CACNG3: variants seen among roughly 807,000 people sequenced by gnomAD.
The protein encoded by CACNG3 is calcium voltage-gated channel auxiliary subunit gamma 3.
Under a neutral mutation model 28.5 loss-of-function variants are expected in CACNG3, and 3 were observed. The ratio of observed to expected loss-of-function variants is 0.11; its 90% CI spans 0.05 to 0.27. The LOEUF is 0.27. CACNG3 is among the 10% of genes least tolerant of loss of function. The pLI, the probability that CACNG3 is intolerant of heterozygous loss-of-function variation, is 1.00. For synonymous variants in CACNG3, 174 were observed against 162.2 expected, an observed-to-expected ratio of 1.07 and a Z score of -0.55; for missense variants, 236 against 414.4, an observed-to-expected ratio of 0.57 and a Z score of 3.74.
At chr16:24,331,660 T>C (rs1358600686) in intron 1 of CACNG3, among the ~76,000 whole-genome samples, 1 of 152,244 alleles carries the variant, frequency 6.6e-6, no homozygotes, top group East Asian at 1.9e-4. Context: ...TTCTGGACCC[T>C]GGCCTGTAAG....
chr16:24,349,861 T>C (rs1274726160), intron 2 of CACNG3, among the ~76,000 whole-genome samples: 1 of 152,188 alleles, frequency 6.6e-6, no homozygotes, highest in Non-Finnish European at 1.5e-5. Context: ...ATGGAGTCGC[T>C]CTGTTTCCAA....
At chr16:24,345,872 G>A (rs1899857895) in intron 1 of CACNG3, among the ~76,000 whole-genome samples, 1 of 152,204 alleles carries the variant, frequency 6.6e-6, no homozygotes, top group Non-Finnish European at 1.5e-5. Flanking sequence ...TCATTGGGGA[G>A]AGTGGACTAT....
At chr16:24,354,540 C>T (rs1900002800) in intron 2 of CACNG3, among the ~76,000 whole-genome samples, 2 of 152,192 alleles carry the variant, frequency 1.3e-5, no homozygotes, top group South Asian at 4.1e-4. Flanking sequence ...TAAGTCAAGT[C>T]TCCAAGCCCC....
At chr16:24,297,393 G>A (rs1899046217) in intron 1 of CACNG3, among the ~76,000 whole-genome samples, 1 of 152,010 alleles carries the variant, frequency 6.6e-6, no homozygotes. Context: ...GATCCTAATG[G>A]GCAATTGGGG....
intron 1 of CACNG3, among the ~76,000 whole-genome samples, chr16:24,296,920 C>A (rs1899038871): frequency 6.6e-6 from 1 of 152,148 alleles, no homozygotes; most frequent in Non-Finnish European, 1.5e-5. Context: ...CAGCCACAAG[C>A]AATGATCCTC....
At chr16:24,332,075 C>T (rs1899637916) in intron 1 of CACNG3, among the ~76,000 whole-genome samples, 1 of 152,212 alleles carries the variant, frequency 6.6e-6, no homozygotes, top group Admixed American at 6.5e-5. Flanking sequence ...ATATAACAGC[C>T]TGGTCTATTT....
intron 2 of CACNG3, among the ~76,000 whole-genome samples, 190 bp downstream of exon 2, chr16:24,347,007 T>C (rs181334604): frequency 5.3e-5 from 8 of 152,060 alleles, no homozygotes; most frequent in Admixed American, 5.2e-4. Context: ...TTTCAATGAA[T>C]TAGAAACAGA....
intron 1 of CACNG3, among the ~76,000 whole-genome samples, chr16:24,262,482 A>G (rs1435637906): frequency 6.6e-6 from 1 of 152,196 alleles, no homozygotes; most frequent in Non-Finnish European, 1.5e-5. Context: ...CTATGTCTTG[A>G]TAAACAACAA....
At chr16:24,317,274 G>A (rs1450926033) in intron 1 of CACNG3, among the ~76,000 whole-genome samples, 1 of 152,086 alleles carries the variant, frequency 6.6e-6, no homozygotes. Context: ...GGACTTGGTG[G>A]CTCCCACCTG....
chr16:24,257,344 G>A lies in CACNG3; in HGVS notation c.211+379G>A, dbSNP rs531529236. On this transcript the variant is annotated intron_variant, in intron 1 of 3. Transcript: ENST00000005284. ...GGAGGGGGAGGGAAGGGAGGAGAAGGGACAAGAGGAAAGAAGTGAGGGGGG... is the reference window on the plus strand; with the variant it reads ...GGAGGGGGAGGGAAGGGAGGAGAAGAGACAAGAGGAAAGAAGTGAGGGGGG... 1.2e-4 allele frequency among the ~76,000 whole-genome samples: 16 copies of A among 128,202 alleles called. No homozygotes were observed. The South Asian group carries it at 4.5e-3, about 36-fold the overall frequency. The allele number at this position is 128,202 out of a possible 152,430, so 84.1% of individuals were successfully genotyped here. A position where few individuals can be genotyped will look rare whatever the true frequency, so the allele number is the denominator to read the frequency against.
In CACNG3 at chr16:24,361,239, C is replaced by T; in HGVS notation, c.437-113C>T. 1.2e-6 allele frequency: 1 copy of T among 841,592 alleles called. No individual in the cohort carries two copies. The highest frequency in any genetic ancestry group is 1.8e-5 in the South Asian group (1 of 56,838). The allele number at this position is 841,592 out of a possible 1,614,324, so 52.1% of individuals were successfully genotyped here. A position where few individuals can be genotyped will look rare whatever the true frequency, so the allele number is the denominator to read the frequency against. ...GTGGTTGGATTTCCCAGCTATAATC[C>T]ATTCTCCTCTCTCCCCATTACCTCC... On this transcript the variant is annotated intron_variant, in intron 3 of 3. Transcript: ENST00000005284. This position sits in a 1 kb window ranked among gnomAD's most constrained non-coding sequence, Gnocchi z 6.8.
chr16:24,347,547 T>C (rs927277467), intron 2 of CACNG3, among the ~76,000 whole-genome samples: 4 of 152,150 alleles, frequency 2.6e-5, no homozygotes, highest in African/African-American at 4.8e-5. Flanking sequence ...GGCAGAGTGC[T>C]AATGGGTGAT....
chr16:24,267,765 G>A (rs893020803), intron 1 of CACNG3, among the ~76,000 whole-genome samples: 7 of 152,148 alleles, frequency 4.6e-5, no homozygotes, highest in Non-Finnish European at 1.0e-4. Flanking sequence ...CGCCTCCCGA[G>A]ATCAAGTGAT....
chr16:24,353,057 C>A (rs1223172519), intron 2 of CACNG3, among the ~76,000 whole-genome samples: 14 of 152,220 alleles, frequency 9.2e-5, no homozygotes, highest in Admixed American at 8.5e-4. Flanking sequence ...CTCACTGCAA[C>A]CTCCACTTCC....
At chr16:24,279,320 G>T (rs1183721004) in intron 1 of CACNG3, among the ~76,000 whole-genome samples, 1 of 152,154 alleles carries the variant, frequency 6.6e-6, no homozygotes, top group Non-Finnish European at 1.5e-5. Flanking sequence ...TTGAGACAGG[G>T]TCTCACTCTG....
At chr16:24,325,815 G>A (rs1357547348) in intron 1 of CACNG3, among the ~76,000 whole-genome samples, 1 of 152,228 alleles carries the variant, frequency 6.6e-6, no homozygotes, top group Non-Finnish European at 1.5e-5. Flanking sequence ...CTTAATAAAT[G>A]GTAGGTGCTG....
chr16:24,310,817 A>G (rs1323075104), intron 1 of CACNG3, among the ~76,000 whole-genome samples: 1 of 152,032 alleles, frequency 6.6e-6, no homozygotes, highest in Non-Finnish European at 1.5e-5. Flanking sequence ...ATACATCGGA[A>G]TTTCACCCTG....
At chr16:24,312,968 A>AG (rs1397138131) in intron 1 of CACNG3, among the ~76,000 whole-genome samples, 54 of 110,186 alleles carry the variant, frequency 4.9e-4, no homozygotes, top group Admixed American at 2.4e-3. Context: ...AAAGAAAGAA[A>AG]AGAAAGAAAG....
chr16:24,265,669 A>G (rs987887991), intron 1 of CACNG3, among the ~76,000 whole-genome samples: 7 of 152,218 alleles, frequency 4.6e-5, no homozygotes, highest in Admixed American at 3.3e-4. Context: ...GTACATTTTA[A>G]AATGGTTGAA....
Sources: gnomAD v4.1 joint callset for allele counts (sites outside exome capture counted in the v4.1 genomes callset) on GRCh38, gnomAD v4.1.1 for gene constraint, Gnocchi (gnomAD v3.1) non-coding constraint, MANE v1.5 for transcripts, NCBI Gene and HGNC (gene_info 2026-07-23, HGNC 2026-07-21) for gene names.